The following EYA1 variants were observed in gnomAD, a reference collection of about 807,000 sequenced individuals.
The protein encoded by EYA1 is protein phosphatase EYA1.
In EYA1, 16 loss-of-function variants were observed where a neutral mutation model predicts 82.0. The ratio of observed to expected loss-of-function variants is 0.20; its 90% CI spans 0.13 to 0.30. EYA1 has a LOEUF of 0.30. EYA1 is among the 10% of genes least tolerant of loss of function. The probability of loss-of-function intolerance (pLI) is 1.00; values close to 1 mark genes in which losing one functional copy is unlikely to be tolerated. For missense variants in EYA1, 633 were observed against 730.7 expected (o/e 0.87, Z 1.54); for synonymous variants, 261 against 264.4 (o/e 0.99, Z 0.12).
Position 71,476,055 on chromosome 8 carries a change from T to C in EYA1, c.33+59689A>G, listed in dbSNP as rs551247127. On this transcript the variant is annotated intron_variant, in intron 2 of 18. Transcript: ENST00000643681. ...TGAAACTCTTATTTGAAACCTCATG[T>C]TGAATGAACTAGCATGGGCTTAGCT... Among the ~76,000 whole-genome samples the C allele has an allele frequency of 1.3e-4, 20 of 152,278 alleles. No homozygotes were observed. In the South Asian group the frequency reaches 3.7e-3, roughly 28 times the overall value.
At chr8:71,394,509 G>T (rs939389630) in intron 2 of EYA1, among the ~76,000 whole-genome samples, 118 of 152,036 alleles carry the variant, frequency 7.8e-4, no homozygotes, top group African/African-American at 2.6e-3. Flanking sequence ...TTTCTACATA[G>T]GGCTAGCCAG....
At position 71,199,399 on chromosome 8, in the gene EYA1, T is replaced by C. The variant is rs1048727343; in HGVS notation, c.1720A>G (p.Ile574Val). 1.9e-6 allele frequency: 3 copies of C among 1,613,030 alleles called. No individual in the cohort carries two copies. Among genetic ancestry groups the C allele is most frequent in the Non-Finnish European group, 1.7e-6 (2 of 1,179,726 alleles). ...AKKHAMPFWR[I>V]SSHSDLMALH... ...GCCATGAGGTCCGAGTGGCTGGAGA[T>C]CCTCCAGAAGGGCATCGCGTGCTGC... The change falls in exon 18 of 18, where the codon ATC becomes GTC. Residue 574 changes from isoleucine (I) to valine (V), a missense_variant. By Grantham distance (29) the Ile-to-Val change is conservative. Transcript: ENST00000340726.
intron 2 of EYA1, among the ~76,000 whole-genome samples, chr8:71,420,231 G>C (rs1360040901): frequency 6.6e-6 from 1 of 152,124 alleles, no homozygotes; most frequent in Admixed American, 6.6e-5. Flanking sequence ...TGCTATATTT[G>C]GCTAATGGTC....
chr8:71,392,260 C>G (rs1461673179), intron 2 of EYA1, among the ~76,000 whole-genome samples: 1 of 152,088 alleles, frequency 6.6e-6, no homozygotes, highest in Non-Finnish European at 1.5e-5. Context: ...AAGACTTTAC[C>G]CCCGCACCCT....
At chr8:71,208,978 A>G (rs1167570770) in intron 17 of EYA1, among the ~76,000 whole-genome samples, 2 of 152,226 alleles carry the variant, frequency 1.3e-5, no homozygotes, top group African/African-American at 4.8e-5. Context: ...TTTCATAAAC[A>G]TCCCTCTCTG....
intron 12 of EYA1, among the ~76,000 whole-genome samples, chr8:71,221,745 C>G (rs1333647708): frequency 1.3e-5 from 2 of 152,140 alleles, no homozygotes; most frequent in Non-Finnish European, 2.9e-5. Context: ...TCCTGATGGT[C>G]CACACCTGTT....
chr8:71,270,090 A>G (rs1297135201), intron 10 of EYA1: 1 of 362,644 alleles, frequency 2.8e-6, no homozygotes, highest in African/African-American at 2.1e-5. Context: ...TAATTCTGTA[A>G]TAGAATTTCG....
At chr8:71,325,095 G>A (rs1159630753) in intron 4 of EYA1, among the ~76,000 whole-genome samples, 1 of 152,110 alleles carries the variant, frequency 6.6e-6, no homozygotes. Context: ...CAAATTCCTT[G>A]GCACAGAATA....
intron 12 of EYA1, among the ~76,000 whole-genome samples, chr8:71,234,597 C>T (rs1811606845): frequency 6.6e-6 from 1 of 152,178 alleles, no homozygotes; most frequent in African/African-American, 2.4e-5. Flanking sequence ...ATAGCTCATA[C>T]TTTTCCACCT....
At chr8:71,459,653 T>A (rs1178491355) in intron 2 of EYA1, among the ~76,000 whole-genome samples, 1 of 152,160 alleles carries the variant, frequency 6.6e-6, no homozygotes. Flanking sequence ...TTCTCCTTTT[T>A]TATTGTTTTC....
At chr8:71,479,747 T>G (rs1188509621) in intron 2 of EYA1, among the ~76,000 whole-genome samples, 1 of 151,610 alleles carries the variant, frequency 6.6e-6, no homozygotes, top group Non-Finnish European at 1.5e-5. Context: ...GATGTGAAGG[T>G]GAAGACACCC....
At chr8:71,526,229 T>G (rs570952878) in intron 2 of EYA1, among the ~76,000 whole-genome samples, 1 of 150,182 alleles carries the variant, frequency 6.7e-6, no homozygotes, top group Non-Finnish European at 1.5e-5. Context: ...ATATTACATA[T>G]ATATATTAAT....
chr8:71,264,735 C>T lies in EYA1; in HGVS notation c.1050+5005G>A, dbSNP rs191727656. On this transcript the variant is annotated intron_variant, in intron 11 of 17. Coordinates refer to ENST00000340726, the MANE Select transcript of EYA1 (RefSeq NM_000503.6). Reference sequence around the variant, plus strand: ...CTAGGACTACACGCATGTGCCACCACACCCAGCTAATTTTTGTATTTTTTT... The same window carrying T: ...CTAGGACTACACGCATGTGCCACCATACCCAGCTAATTTTTGTATTTTTTT... Among the ~76,000 whole-genome samples the T allele has an allele frequency of 4.3e-4, 65 of 152,160 alleles. 1 individual carries two copies. The highest frequency in any genetic ancestry group is 3.9e-3 in the Admixed American group (60 of 15,278).
intron 7 of EYA1, among the ~76,000 whole-genome samples, chr8:71,310,889 G>T (rs1450882095): frequency 1.3e-5 from 2 of 151,808 alleles, no homozygotes; most frequent in African/African-American, 4.8e-5. Context: ...ATTAAAATAT[G>T]ACTAAAGATG....
chr8:71,541,444 T>G (rs1052786793), intron 1 of EYA1, among the ~76,000 whole-genome samples: 1 of 152,216 alleles, frequency 6.6e-6, no homozygotes, highest in African/African-American at 2.4e-5. Flanking sequence ...TCCTTCTAAC[T>G]TCAGATGAAA....
rs570709758 is a variant in EYA1 at position 71,335,686 on chromosome 8, C to T, written c.125-1512G>A. On this transcript the variant is annotated intron_variant, in intron 3 of 17. Transcript: ENST00000340726. ...GACACCAGACAACCTAATGATTTTG[C>T]TTTTCATCACCATTACACTGCCATC... 5.3e-5 allele frequency among the ~76,000 whole-genome samples: 8 copies of T among 152,204 alleles called. No individual in the cohort carries two copies. In the East Asian group the frequency reaches 1.2e-3, roughly 22 times the overall value.
At chr8:71,493,242 T>C (rs1811151978) in intron 2 of EYA1, among the ~76,000 whole-genome samples, 1 of 152,240 alleles carries the variant, frequency 6.6e-6, no homozygotes. Flanking sequence ...TGTGTGTCTT[T>C]ATGATAGAAT....
intron 2 of EYA1, among the ~76,000 whole-genome samples, chr8:71,451,175 A>G (rs1421429982): frequency 1.3e-5 from 2 of 152,206 alleles, no homozygotes; most frequent in Non-Finnish European, 2.9e-5. Flanking sequence ...ACTATGTATG[A>G]AAAGGCTTTC....
chr8:71,396,747 C>T (rs9692843), intron 2 of EYA1, among the ~76,000 whole-genome samples: 3,747 of 151,666 alleles, frequency 0.025, 57 homozygotes, highest in Middle Eastern at 0.058. Context: ...TGATGTGGTG[C>T]TAAGAATGTA....
Sources: gnomAD v4.1 joint callset for allele counts (sites outside exome capture counted in the v4.1 genomes callset) on GRCh38, gnomAD v4.1.1 for gene constraint, MANE v1.5 for transcripts, NCBI Gene and HGNC (gene_info 2026-07-23, HGNC 2026-07-21) for gene names.